Variants in DPCD observed in about 807,000 individuals in gnomAD.
The protein encoded by DPCD is deleted in primary ciliary dyskinesia homolog (mouse), also known as protein DPCD.
In DPCD, 20 loss-of-function variants were observed where a neutral mutation model predicts 26.4. That is an observed-to-expected ratio of 0.76 (90% CI 0.53 to 1.10). DPCD has a LOEUF of 1.10. DPCD is among the 50% of genes least tolerant of loss of function. DPCD has a pLI of 0.00. For synonymous variants in DPCD, 97 were observed against 94.2 expected (o/e 1.03, Z -0.17); for missense variants, 202 against 253.9 (o/e 0.80, Z 1.39).
intron 4 of DPCD, among the ~76,000 whole-genome samples, chr10:101,606,408 A>G (rs2063733276): frequency 1.3e-5 from 2 of 152,138 alleles, no homozygotes; most frequent in Non-Finnish European, 2.9e-5. Flanking sequence ...TGATCTGCCT[A>G]CCTCGGCCTC....
At chr10:101,606,617 T>G (rs1043216556) in intron 4 of DPCD, among the ~76,000 whole-genome samples, 3 of 152,142 alleles carry the variant, frequency 2.0e-5, no homozygotes, top group African/African-American at 7.2e-5. Flanking sequence ...AGGCCCGCCC[T>G]CTTCTTCATC....
chr10:101,608,101 A>T (rs1023556863), intron 4 of DPCD, among the ~76,000 whole-genome samples: 2 of 147,090 alleles, frequency 1.4e-5, no homozygotes, highest in African/African-American at 5.0e-5. Context: ...CATCTGTTCT[A>T]TTTTTTTTTT....
In DPCD at chr10:101,594,263, C is replaced by T. The variant is rs74712856; in HGVS notation, c.65-395C>T. Among the ~76,000 whole-genome samples, 120 of 152,104 alleles carry T rather than the reference C, an allele frequency of 7.9e-4. 1 individual carries two copies. In the East Asian group the frequency reaches 0.016, roughly 21 times the overall value. On this transcript the variant is annotated intron_variant, in intron 1 of 5. Transcript: ENST00000370151. ...TGTAGTAAATGCTCCACTATGGATA[C>T]GAGTAAAACATTAGGGAGGCACACA...
chr10:101,590,152 C>T (rs940332035), intron 1 of DPCD, among the ~76,000 whole-genome samples: 1 of 151,960 alleles, frequency 6.6e-6, no homozygotes, highest in African/African-American at 2.4e-5. Flanking sequence ...TATAAGGACC[C>T]TATGTGAAGG....
intron 4 of DPCD, among the ~76,000 whole-genome samples, chr10:101,607,029 G>A (rs748324774): frequency 1.3e-4 from 20 of 152,168 alleles, no homozygotes; most frequent in Non-Finnish European, 2.6e-4. Context: ...GAAAGCAGGT[G>A]CAAGCTATGC....
At chr10:101,607,024 C>T (rs139404947) in intron 4 of DPCD, among the ~76,000 whole-genome samples, 158 of 152,290 alleles carry the variant, frequency 1.0e-3, no homozygotes, top group African/African-American at 3.8e-3. Context: ...TCAAGGAAAG[C>T]AGGTGCAAGC....
intron 5 of DPCD, 77 bp from the exon 6 acceptor site, chr10:101,609,290 A>C: frequency 9.4e-6 from 13 of 1,387,062 alleles, no homozygotes; most frequent in South Asian, 3.7e-5. Flanking sequence ...GATCAGAAGG[A>C]GAAGGGGCCC....
intron 3 of DPCD, 116 bp from the exon 4 acceptor site, chr10:101,601,087 G>A (rs1589726344): frequency 1.3e-6 from 2 of 1,524,028 alleles, no homozygotes; most frequent in Middle Eastern, 4.7e-4. Context: ...AGCAGCGTCA[G>A]AGGGGAGCAG....
intron 2 of DPCD, among the ~76,000 whole-genome samples, chr10:101,598,712 C>T (rs1318438676): frequency 2.7e-5 from 4 of 149,804 alleles, no homozygotes; most frequent in African/African-American, 9.8e-5. Context: ...ACAGCCTCCA[C>T]CTCCCAGGTT....
At chr10:101,598,485 C>G (rs1267226549) in intron 2 of DPCD, among the ~76,000 whole-genome samples, 3 of 152,050 alleles carry the variant, frequency 2.0e-5, no homozygotes, top group African/African-American at 7.3e-5. Context: ...GTAAGATTGT[C>G]TCCTTGAGCC....
At chr10:101,607,331 G>C (rs1425193526) in intron 4 of DPCD, among the ~76,000 whole-genome samples, 8 of 152,228 alleles carry the variant, frequency 5.3e-5, no homozygotes, top group Non-Finnish European at 1.5e-5. Context: ...CTAGGAAGAG[G>C]ATGAGGCAGG....
intron 1 of DPCD, 86 bp from the exon 2 acceptor site, chr10:101,594,572 C>A (rs1029625162): frequency 2.2e-6 from 3 of 1,377,480 alleles, no homozygotes; most frequent in Non-Finnish European, 3.1e-6. Flanking sequence ...CCAAGGCTGG[C>A]ACTGTTTCCC....
chr10:101,605,081 G>A (rs2063724241), intron 4 of DPCD: 1 of 1,549,884 alleles, frequency 6.5e-7, no homozygotes, highest in Non-Finnish European at 8.7e-7. Context: ...GTGGGTGGGG[G>A]TGCCAAGTTT....
intron 4 of DPCD, among the ~76,000 whole-genome samples, chr10:101,602,716 C>A (rs1342682579): frequency 6.6e-6 from 1 of 152,210 alleles, no homozygotes; most frequent in Non-Finnish European, 1.5e-5. Flanking sequence ...AGCAAGCATT[C>A]CTTGGTGGAA....
rs935531682 is a variant in DPCD, at chr10:101,600,796, A to G, written c.204A>G (p.Val68=). The G allele has an allele frequency of 1.9e-6, 3 of 1,613,960 alleles. No individual in the cohort carries two copies. Among genetic ancestry groups the G allele is most frequent in the Non-Finnish European group, 1.7e-6 (2 of 1,179,986 alleles). Residue 68 remains valine (V), a synonymous_variant, in exon 3 of 6, where the codon GTA becomes GTG. Transcript: ENST00000370151. The surrounding 1 kb of genome is among the most constrained non-coding windows in gnomAD (Gnocchi z 4.7). The part of the protein sequence containing the change: ...LGAMGQWQLE[V]GDPAPLGAGN... ...CCATGGGCCAGTGGCAGCTTGAAGT[A>G]GGAGACCCAGCGCCCCTAGGAGCAG...
chr10:101,591,754 GC>G (rs1233494963), intron 1 of DPCD, among the ~76,000 whole-genome samples: 1 of 151,836 alleles, frequency 6.6e-6, no homozygotes, highest in Non-Finnish European at 1.5e-5. Context: ...CAATCTCGGC[GC>G]ACTGCAACCT....
chr10:101,600,939 G>A lies in DPCD; in HGVS notation c.270+77G>A. 6.2e-7 allele frequency: 1 copy of A among 1,600,736 alleles called. No homozygotes were observed. The highest frequency in any genetic ancestry group is 8.5e-7 in the Non-Finnish European group (1 of 1,176,140). On this transcript the variant is annotated intron_variant, in intron 3 of 5. Coordinates refer to ENST00000370151, the MANE Select transcript of DPCD (RefSeq NM_015448.3). The surrounding 1 kb of genome is among the most constrained non-coding windows in gnomAD (Gnocchi z 4.7). ...TGGGCTGCTGGCTCTTGAGGGCAGG[G>A]ACCATGTCTTGTTCACCTCCTCGCC...
intron 5 of DPCD, 64 bp from the exon 6 acceptor site, chr10:101,609,303 A>AGT: frequency 1.3e-6 from 2 of 1,541,994 alleles, no homozygotes; most frequent in Non-Finnish European, 1.8e-6. Context: ...AGGGGCCCCA[A>AGT]GTGTGTGTGG....
chr10:101,594,951 C>G (rs1312937867), intron 2 of DPCD, among the ~76,000 whole-genome samples: 2 of 152,088 alleles, frequency 1.3e-5, no homozygotes, highest in East Asian at 3.9e-4. Flanking sequence ...TCATCCCCAC[C>G]CCTCACCCCA....
Sources: gnomAD v4.1 joint callset for allele counts (sites outside exome capture counted in the v4.1 genomes callset) on GRCh38, gnomAD v4.1.1 for gene constraint, Gnocchi (gnomAD v3.1) non-coding constraint, MANE v1.5 for transcripts, NCBI Gene and HGNC (gene_info 2026-07-23, HGNC 2026-07-21) for gene names.